AKAP10: variants seen among roughly 807,000 people sequenced by gnomAD.
AKAP10 encodes A-kinase anchoring protein 10, also known as A-kinase anchor protein 10, mitochondrial.
AKAP10 carries 24 observed loss-of-function variants against 80.8 expected under a neutral mutation model. The observed-to-expected ratio is 0.30, with a 90% CI of 0.22 to 0.42. AKAP10 has a LOEUF of 0.42. Ranked by LOEUF, AKAP10 falls within the 10% of genes least tolerant of loss-of-function variation. The pLI, the probability that AKAP10 is intolerant of heterozygous loss-of-function variation, is 1.00. For missense variants in AKAP10, 661 were observed against 794.9 expected (o/e 0.83, Z 2.03); for synonymous variants, 291 against 277.7 (o/e 1.05, Z -0.48).
At chr17:19,943,892 A>G (rs1222140205) in intron 5 of AKAP10, among the ~76,000 whole-genome samples, 2 of 152,170 alleles carry the variant, frequency 1.3e-5, no homozygotes, top group Non-Finnish European at 2.9e-5. Flanking sequence ...TCACTGAACA[A>G]TCATCTGCAG....
chr17:19,956,117 C>A (rs1465095503), intron 4 of AKAP10, among the ~76,000 whole-genome samples: 1 of 151,966 alleles, frequency 6.6e-6, no homozygotes, highest in Non-Finnish European at 1.5e-5. Flanking sequence ...GGGACAATAC[C>A]CCATAATCAA....
At chr17:19,965,403 C>T (rs2152418775) in intron 2 of AKAP10, among the ~76,000 whole-genome samples, 1 of 152,296 alleles carries the variant, frequency 6.6e-6, no homozygotes, top group East Asian at 1.9e-4. Flanking sequence ...TCCAGACTAA[C>T]CTTTCATAAA....
chr17:19,949,833 CTCTT>C (rs752972551), intron 4 of AKAP10, among the ~76,000 whole-genome samples: 14 of 150,704 alleles, frequency 9.3e-5, no homozygotes, highest in Non-Finnish European at 1.8e-4. Flanking sequence ...TCTTTTCTCT[CTCTT>C]TTTTAACCTC....
At position 19,936,433 on chromosome 17, in the gene AKAP10, A is replaced by T. The variant is rs377667683; in HGVS notation, c.1323-3T>A. ...GTGTGGCTTGGAGGGAGAAGTACCT[A>T]TGGTAAAAAGATATCCGAAGTAAAA... On this transcript the variant is annotated splice_polypyrimidine_tract_variant and splice_region_variant and intron_variant, in intron 8 of 14. Coordinates refer to ENST00000225737, the MANE Select transcript of AKAP10 (RefSeq NM_007202.4). 2.6e-5 allele frequency: 42 copies of T among 1,598,936 alleles called. No individual in the cohort carries two copies. Among genetic ancestry groups the T allele is most frequent in the Admixed American group, 3.4e-5 (2 of 58,374 alleles).
At chr17:19,919,597 T>G (rs1437381042) in intron 12 of AKAP10, among the ~76,000 whole-genome samples, 1 of 150,948 alleles carries the variant, frequency 6.6e-6, no homozygotes, top group Non-Finnish European at 1.5e-5. Flanking sequence ...GGCAGGAAAA[T>G]CGCTTGAACC....
intron 14 of AKAP10, 98 bp from the exon 15 acceptor site, chr17:19,906,330 T>C (rs2042631572): frequency 1.5e-6 from 2 of 1,331,204 alleles, no homozygotes; most frequent in East Asian, 2.3e-5. Context: ...TAGTGTTTAC[T>C]ATATACCAGA....
intron 1 of AKAP10, 144 bp downstream of exon 1, chr17:19,977,448 C>T (rs541594844): frequency 1.9e-3 from 1,007 of 539,684 alleles, no homozygotes; most frequent in Non-Finnish European, 2.4e-3. Flanking sequence ...CGGAGCAGAG[C>T]AAGGCACTCA....
At chr17:19,964,602 TAAC>T (rs925512368) in intron 2 of AKAP10, among the ~76,000 whole-genome samples, 10 of 151,410 alleles carry the variant, frequency 6.6e-5, no homozygotes, top group African/African-American at 2.4e-4. Flanking sequence ...AAAATAAACT[TAAC>T]AAGGGACCGG....
intron 12 of AKAP10, among the ~76,000 whole-genome samples, chr17:19,919,008 T>C (rs997672007): frequency 6.6e-6 from 1 of 152,160 alleles, no homozygotes; most frequent in Non-Finnish European, 1.5e-5. Flanking sequence ...ACATGTACCA[T>C]GTTGGTGTGC....
chr17:19,975,623 C>A (rs1567781240), intron 1 of AKAP10, among the ~76,000 whole-genome samples: 1 of 152,210 alleles, frequency 6.6e-6, no homozygotes, highest in Non-Finnish European at 1.5e-5. Flanking sequence ...TACACACACA[C>A]TTACATGGAG....
At position 19,958,498 on chromosome 17, in the gene AKAP10, G is replaced by C. The variant is rs367902800; in HGVS notation, c.393C>G (p.His131Gln). 1 of 1,612,998 alleles carries C rather than the reference G, an allele frequency of 6.2e-7. No homozygotes were observed. Among genetic ancestry groups the C allele is most frequent in the South Asian group, 1.1e-5 (1 of 91,082 alleles). The change falls in exon 4 of 15, where the codon CAC becomes CAG. Residue 131 changes from histidine to glutamine, a missense_variant. His to Gln is a conservative substitution (Grantham distance 24). Transcript: ENST00000225737. ...TGAAGTAAGGGAGGACAATAGTGTC[G>C]TGCAAGACTTGTTCAAGGGTCTTAG... ...SLSKTLEQVL[H>Q]DTIVLPYFIQ...
At position 19,905,708 on chromosome 17, in the gene AKAP10, C is replaced by CA. The variant is rs1359562449; in HGVS notation, c.*518dup. On this transcript the variant is annotated 3_prime_UTR_variant, in exon 15 of 15. Coordinates refer to ENST00000225737, the MANE Select transcript of AKAP10 (RefSeq NM_007202.4). ...TCAAGAAGACTGCATAATTAACTCT[C>CA]ACCCTGTTCCGCTGAAGCTGCTAGC... 6 of 153,116 alleles carry CA rather than the reference C, an allele frequency of 3.9e-5. No homozygotes were observed. The highest frequency in any genetic ancestry group is 1.5e-5 in the Non-Finnish European group (1 of 68,450). The allele number at this position is 153,116 out of a possible 1,614,324, so 9.5% of individuals were successfully genotyped here.
At position 19,925,257 on chromosome 17, in the gene AKAP10, C is replaced by A. The variant is rs150314418; in HGVS notation, c.1642-740G>T. 2.6e-3 allele frequency among the ~76,000 whole-genome samples: 403 copies of A among 152,292 alleles called. 1 individual carries two copies. The highest frequency in any genetic ancestry group is 9.2e-3 in the African/African-American group (381 of 41,570). ...AGTTCCAACAAATGTGCTGTACTCA[C>A]AGCATTATTTCTTCAATATGAAAAG... On this transcript the variant is annotated intron_variant, in intron 10 of 14. Coordinates refer to ENST00000225737, the MANE Select transcript of AKAP10 (RefSeq NM_007202.4).
At chr17:19,912,042 A>G (rs1597487554) in intron 12 of AKAP10, among the ~76,000 whole-genome samples, 1 of 152,132 alleles carries the variant, frequency 6.6e-6, no homozygotes, top group Admixed American at 6.6e-5. Flanking sequence ...TTCTTGTTAC[A>G]CTGTCTCTTA....
chr17:19,922,909 A>C (rs2042833911), intron 11 of AKAP10, among the ~76,000 whole-genome samples: 1 of 152,138 alleles, frequency 6.6e-6, no homozygotes, highest in Non-Finnish European at 1.5e-5. Flanking sequence ...CAAAAAACCA[A>C]AACAAAACAA....
rs2042616670 is a variant in AKAP10 at position 19,904,919 on chromosome 17, A to G, written c.*1308T>C. 6.6e-6 allele frequency: 1 copy of G among 151,926 alleles called. No homozygotes were observed. Among genetic ancestry groups the G allele is most frequent in the Non-Finnish European group, 1.5e-5 (1 of 67,978 alleles). 9.4% of individuals were successfully genotyped at this position (151,926 alleles called of 1,614,324 possible). A position where few individuals can be genotyped will look rare whatever the true frequency, so the allele number is the denominator to read the frequency against. On this transcript the variant is annotated 3_prime_UTR_variant, in exon 15 of 15. Coordinates refer to ENST00000225737, the MANE Select transcript of AKAP10 (RefSeq NM_007202.4). Reference sequence around the variant, plus strand: ...TTTTTGCTTCTTCTGTCGATGAAACAGTGTGCCTCTATACAATCAAATATT... The same window carrying G: ...TTTTTGCTTCTTCTGTCGATGAAACGGTGTGCCTCTATACAATCAAATATT...
intron 2 of AKAP10, among the ~76,000 whole-genome samples, chr17:19,966,315 C>T (rs1165900710): frequency 6.6e-6 from 1 of 152,036 alleles, no homozygotes; most frequent in Non-Finnish European, 1.5e-5. Context: ...CATCTCTTTA[C>T]TTCCATCACT....
chr17:19,949,669 G>C (rs2043176302), intron 4 of AKAP10, among the ~76,000 whole-genome samples: 2 of 151,454 alleles, frequency 1.3e-5, no homozygotes, highest in Non-Finnish European at 2.9e-5. Flanking sequence ...TCAGTAGGCT[G>C]AGGCAGGAGA....
intron 5 of AKAP10, among the ~76,000 whole-genome samples, chr17:19,945,697 G>A (rs2043095881): frequency 6.6e-6 from 1 of 152,176 alleles, no homozygotes; most frequent in African/African-American, 2.4e-5. Flanking sequence ...AAACACAGCT[G>A]AGACTAACAG....
Sources: gnomAD v4.1 joint callset for allele counts (sites outside exome capture counted in the v4.1 genomes callset) on GRCh38, gnomAD v4.1.1 for gene constraint, MANE v1.5 for transcripts, NCBI Gene and HGNC (gene_info 2026-07-23, HGNC 2026-07-21) for gene names.